MDGA2: variants seen among roughly 807,000 people sequenced by gnomAD.
MDGA2 encodes the protein MAM domain containing glycosylphosphatidylinositol anchor 2, also known as MAM domain-containing glycosylphosphatidylinositol anchor protein 2.
Under a neutral mutation model 117.8 loss-of-function variants are expected in MDGA2, and 40 were observed. The observed-to-expected ratio is 0.34, with a 90% CI of 0.26 to 0.44. MDGA2 has a LOEUF of 0.44. Ranked by LOEUF, MDGA2 falls within the 20% of genes least tolerant of loss-of-function variation. MDGA2 has a pLI of 1.00. For missense variants in MDGA2, 1,123 were observed against 1,250.6 expected, an observed-to-expected ratio of 0.90 and a Z score of 1.54; for synonymous variants, 452 against 439.0, an observed-to-expected ratio of 1.03 and a Z score of -0.37.
intron 6 of MDGA2, among the ~76,000 whole-genome samples, chr14:47,072,211 C>T (rs1483221347): frequency 6.6e-6 from 1 of 150,672 alleles, no homozygotes; most frequent in Admixed American, 6.7e-5. Context: ...AGGAGAAAAG[C>T]CAAACTAGGA....
intron 8 of MDGA2, among the ~76,000 whole-genome samples, chr14:46,971,852 C>T (rs572403952): frequency 1.2e-3 from 184 of 152,264 alleles, no homozygotes; most frequent in African/African-American, 4.2e-3. Flanking sequence ...CACATCCTCA[C>T]ATGTACCTCA....
rs375468998 is a variant in MDGA2, at chr14:47,258,666, T to C, written c.421-40471A>G. On this transcript the variant is annotated intron_variant, in intron 2 of 16. Coordinates refer to ENST00000399232, the MANE Select transcript of MDGA2 (RefSeq NM_001113498.3). ...TAGTACAGACTTGATTTAAACAATA[T>C]AAATGTATTATATAATGTGAAAAGT... Among the ~76,000 whole-genome samples the C allele has an allele frequency of 1.7e-3, 257 of 152,214 alleles. 9 individuals are homozygous for C. The South Asian group carries it at 0.05, about 30-fold the overall frequency.
At chr14:47,475,497 A>T (rs1893817782) in intron 1 of MDGA2, among the ~76,000 whole-genome samples, 1 of 152,188 alleles carries the variant, frequency 6.6e-6, no homozygotes, top group Non-Finnish European at 1.5e-5. Flanking sequence ...AAAGAATATA[A>T]ATCATTCTAT....
At chr14:47,523,966 C>T (rs894632516) in intron 1 of MDGA2, among the ~76,000 whole-genome samples, 5 of 152,140 alleles carry the variant, frequency 3.3e-5, no homozygotes, top group Non-Finnish European at 1.5e-5. Flanking sequence ...ACTGACAATA[C>T]TTTCCAGTAA....
intron 10 of MDGA2, among the ~76,000 whole-genome samples, chr14:46,918,226 A>T (rs1398990345): frequency 1.3e-5 from 2 of 152,212 alleles, no homozygotes; most frequent in African/African-American, 4.8e-5. Context: ...AAAACAATTG[A>T]TTTTACAAAT....
At chr14:47,510,517 T>C (rs943612770) in intron 1 of MDGA2, among the ~76,000 whole-genome samples, 41 of 152,216 alleles carry the variant, frequency 2.7e-4, no homozygotes, top group African/African-American at 9.4e-4. Context: ...TTCTGCCTAA[T>C]TTTATTTATT....
At chr14:47,121,292 T>C (rs1011371718) in intron 5 of MDGA2, among the ~76,000 whole-genome samples, 12 of 152,098 alleles carry the variant, frequency 7.9e-5, no homozygotes, top group Admixed American at 7.9e-4. Flanking sequence ...GGTTTCTTCA[T>C]TAAGAAAGTA....
At chr14:47,508,674 T>TTTG (rs1566490843) in intron 1 of MDGA2, among the ~76,000 whole-genome samples, 43 of 151,872 alleles carry the variant, frequency 2.8e-4, no homozygotes, top group African/African-American at 1.0e-3. Context: ...AACACAACTT[T>TTTG]TTTGTTTGTT....
intron 14 of MDGA2, among the ~76,000 whole-genome samples, chr14:46,857,436 A>C (rs1212771904): frequency 6.6e-6 from 1 of 151,754 alleles, no homozygotes; most frequent in Non-Finnish European, 1.5e-5. Flanking sequence ...TCTGCATGCT[A>C]TTTCTAATGT....
At chr14:46,956,102 T>C (rs1170231102) in intron 9 of MDGA2, among the ~76,000 whole-genome samples, 4 of 152,248 alleles carry the variant, frequency 2.6e-5, no homozygotes, top group Non-Finnish European at 5.9e-5. Flanking sequence ...GAAAGGCAGT[T>C]CATAATTAGA....
intron 8 of MDGA2, among the ~76,000 whole-genome samples, chr14:46,970,887 A>G (rs937280042): frequency 2.6e-5 from 4 of 152,162 alleles, no homozygotes; most frequent in African/African-American, 9.6e-5. Flanking sequence ...ACATAAATAG[A>G]TATTTCTCAA....
intron 5 of MDGA2, among the ~76,000 whole-genome samples, chr14:47,126,151 T>A (rs1881891883): frequency 6.6e-6 from 1 of 152,012 alleles, no homozygotes; most frequent in African/African-American, 2.4e-5. Flanking sequence ...AATTTACCAA[T>A]CAAGGGAGTA....
chr14:47,030,064 G>A (rs1010948450), intron 8 of MDGA2, among the ~76,000 whole-genome samples: 5 of 151,846 alleles, frequency 3.3e-5, no homozygotes, highest in African/African-American at 1.2e-4. Flanking sequence ...TTGACCTCGT[G>A]ATCCACCCAC....
At chr14:47,374,767 A>G (rs541406475) in intron 1 of MDGA2, among the ~76,000 whole-genome samples, 1 of 152,222 alleles carries the variant, frequency 6.6e-6, no homozygotes, top group Admixed American at 6.5e-5. Context: ...AATTAGAAAT[A>G]TGTGATCCTT....
intron 15 of MDGA2, among the ~76,000 whole-genome samples, chr14:46,848,041 C>T (rs1880911401): frequency 6.6e-6 from 1 of 151,810 alleles, no homozygotes; most frequent in African/African-American, 2.4e-5. Flanking sequence ...TACAATGTAG[C>T]CATAGCAAAG....
intron 1 of MDGA2, among the ~76,000 whole-genome samples, chr14:47,417,720 T>G (rs7142096): frequency 1.3e-5 from 2 of 151,814 alleles, no homozygotes; most frequent in African/African-American, 2.4e-5. Context: ...CAATTTTCCT[T>G]CTTTTTATTT....
intron 2 of MDGA2, among the ~76,000 whole-genome samples, chr14:47,278,304 A>C (rs1046076083): frequency 6.6e-6 from 1 of 152,138 alleles, no homozygotes; most frequent in African/African-American, 2.4e-5. Flanking sequence ...TAAATTGACA[A>C]ATAATAATTT....
chr14:47,233,941 G>A (rs1886775751), intron 2 of MDGA2, among the ~76,000 whole-genome samples: 1 of 152,048 alleles, frequency 6.6e-6, no homozygotes, highest in Admixed American at 6.6e-5. Context: ...GAAAATAGGT[G>A]ACACAATTGA....
intron 9 of MDGA2, among the ~76,000 whole-genome samples, chr14:46,921,663 G>C (rs375729587): frequency 1.1e-3 from 168 of 151,790 alleles, no homozygotes; most frequent in African/African-American, 3.9e-3. Context: ...CAAATGAGAG[G>C]AAAACAACAT....
Sources: gnomAD v4.1 joint callset for allele counts (sites outside exome capture counted in the v4.1 genomes callset) on GRCh38, gnomAD v4.1.1 for gene constraint, MANE v1.5 for transcripts, NCBI Gene and HGNC (gene_info 2026-07-23, HGNC 2026-07-21) for gene names.